Variants in ZNF8 observed in about 807,000 individuals in gnomAD.
ZNF8 encodes the protein zinc finger protein 8, also known as zinc finger protein 272.
A neutral mutation model predicts 12.2 loss-of-function variants in ZNF8; 9 were observed. That is an observed-to-expected ratio of 0.73 (90% confidence interval 0.44 to 1.28). The LOEUF (loss-of-function observed/expected upper bound fraction) is 1.28. ZNF8 is among the 50% of genes most tolerant of loss of function. The pLI is 0.00. For missense variants in ZNF8, 664 were observed against 729.1 expected (o/e 0.91, Z 1.03); for synonymous variants, 274 against 282.3 (o/e 0.97, Z 0.30).
chr19:58,287,283 C>T (rs2051389110), intron 3 of ZNF8, among the ~76,000 whole-genome samples: 1 of 151,570 alleles, frequency 6.6e-6, no homozygotes, highest in Non-Finnish European at 1.5e-5. Flanking sequence ...AAGCAATCCA[C>T]CTACTTTGGC....
chr19:58,279,915 G>C, intron 1 of ZNF8: 1 of 1,173,886 alleles, frequency 8.5e-7, no homozygotes, highest in South Asian at 1.5e-5. Context: ...TGTTCATGGG[G>C]ATTTGCATTA....
At chr19:58,292,069 C>T (rs964540514) in intron 3 of ZNF8, among the ~76,000 whole-genome samples, 3 of 152,056 alleles carry the variant, frequency 2.0e-5, no homozygotes, top group African/African-American at 4.8e-5. Context: ...GAGGGTGGGT[C>T]TGTTTGGTTT....
rs191202838 is a variant in ZNF8, at chr19:58,295,915, G to A, written c.*379G>A. ...CTGACTTGGTGCAGTATTTCTCCTT[G>A]TCACTGTGGGCCCAATTTTGCCAGG... On this transcript the variant is annotated 3_prime_UTR_variant, in exon 4 of 4. Coordinates refer to ENST00000621650, the MANE Select transcript of ZNF8 (RefSeq NM_021089.3). 1 of 185,792 alleles carries A rather than the reference G, an allele frequency of 5.4e-6. No homozygotes were observed. Among genetic ancestry groups the A allele is most frequent in the Non-Finnish European group, 1.1e-5 (1 of 89,264 alleles). The allele number at this position is 185,792 out of a possible 1,614,324, so 11.5% of individuals were successfully genotyped here.
In ZNF8 at chr19:58,285,854, C is replaced by T. The variant is rs575101295; in HGVS notation, c.193+11C>T. The T allele has an allele frequency of 1.9e-6, 3 of 1,601,122 alleles. No homozygotes were observed. In the African/African-American group the frequency reaches 4.0e-5, roughly 21 times the overall value. On this transcript the variant is annotated intron_variant, in intron 2 of 3. Coordinates refer to ENST00000621650, the MANE Select transcript of ZNF8 (RefSeq NM_021089.3). ...ACCTGCTCTCCATAGGTAAGCCCTG[C>T]TTCGCAAGGTGTGATAGCTGATTCT...
chr19:58,291,058 C>T lies in ZNF8; in HGVS notation c.290-3040C>T, dbSNP rs565898693. On this transcript the variant is annotated intron_variant, in intron 3 of 3. Coordinates refer to ENST00000621650, the MANE Select transcript of ZNF8 (RefSeq NM_021089.3). The stretch of plus-strand genomic sequence containing the variant: ...ATAAAATAAAATAATGGTGAAGAAT[C>T]CCTGTCCAGGCAGATCCCACTCCCA... 3.9e-5 allele frequency among the ~76,000 whole-genome samples: 6 copies of T among 152,250 alleles called. No homozygotes were observed. The South Asian group carries it at 1.2e-3, about 32-fold the overall frequency.
chr19:58,279,799 G>C, intron 1 of ZNF8: 1 of 1,449,932 alleles, frequency 6.9e-7, no homozygotes, highest in Non-Finnish European at 9.2e-7. Flanking sequence ...GTTGCGGCCT[G>C]TGTTCTCCAT....
Position 58,294,212 on chromosome 19 carries a change from C to T in ZNF8, c.404C>T (p.Thr135Ile), listed in dbSNP as rs1326629719. ...EGFPTDAPYP[T>I]TLGKDRECQS... ...TTCCCGACAGATGCTCCTTATCCCA[C>T]CACGTTAGGGAAAGACAGGGAGTGT... Residue 135 changes from threonine (T) to isoleucine (I), a missense_variant, in exon 4 of 4, where the codon ACC becomes ATC. Physicochemically the swap from Thr to Ile is moderately conservative, Grantham distance 89. Coordinates refer to ENST00000621650, the MANE Select transcript of ZNF8 (RefSeq NM_021089.3). The surrounding 1 kb of genome is among the most constrained non-coding windows in gnomAD (Gnocchi z 5.5). The T allele has an allele frequency of 6.2e-7, 1 of 1,614,072 alleles. No homozygotes were observed. Among genetic ancestry groups the T allele is most frequent in the Non-Finnish European group, 8.5e-7 (1 of 1,180,054 alleles).
intron 1 of ZNF8, among the ~76,000 whole-genome samples, chr19:58,284,942 C>T (rs749379614): frequency 3.5e-4 from 54 of 152,266 alleles, no homozygotes; most frequent in African/African-American, 1.1e-3. Flanking sequence ...TGTATTTTCC[C>T]GTAATCAGTG....
chr19:58,286,042 C>A, intron 2 of ZNF8, 68 bp from the exon 3 acceptor site: 1 of 1,536,360 alleles, frequency 6.5e-7, no homozygotes, highest in South Asian at 1.2e-5. Flanking sequence ...GGAGTCTGGT[C>A]TGGAGCCTGG....
intron 1 of ZNF8, chr19:58,280,382 A>G (rs1448294531): frequency 1.3e-5 from 2 of 156,510 alleles, no homozygotes; most frequent in African/African-American, 4.8e-5. Flanking sequence ...CTTCCCACAG[A>G]ACAAGTGATC....
intron 1 of ZNF8, among the ~76,000 whole-genome samples, chr19:58,282,950 C>T (rs1326966996): frequency 6.7e-6 from 1 of 149,848 alleles, no homozygotes; most frequent in African/African-American, 2.5e-5. Context: ...GGCTTTGTTT[C>T]TATTTTATTT....
Position 58,286,176 on chromosome 19 carries a change from AG to A in ZNF8, c.261del (p.Arg88GlufsTer50). On this transcript the variant is annotated frameshift_variant, in exon 3 of 4. Transcript: ENST00000621650. LOFTEE classifies it low-confidence loss of function (END_TRUNC). Reference protein sequence around the residue: ...LEQGTELWVAERGTTQGCHPA... With the variant: ...LEQGTELWVAXRGTTQGCHPA... ...CAAGGGACCGAGCTATGGGTGGCTG[AG>A]AGAGGAACCACCCAGGGCTGCCATC... 1 of 1,613,044 alleles carries A rather than the reference AG, an allele frequency of 6.2e-7. No individual in the cohort carries two copies. The highest frequency in any genetic ancestry group is 1.1e-5 in the South Asian group (1 of 91,018).
chr19:58,291,883 AT>A (rs1273036072), intron 3 of ZNF8, among the ~76,000 whole-genome samples: 1 of 152,022 alleles, frequency 6.6e-6, no homozygotes, highest in African/African-American at 2.4e-5. Context: ...AGGAAGGAGT[AT>A]GGGGGATGCA....
chr19:58,293,608 C>T (rs541839813), intron 3 of ZNF8, among the ~76,000 whole-genome samples: 2 of 152,076 alleles, frequency 1.3e-5, no homozygotes, highest in South Asian at 4.1e-4. Context: ...GCAAGAGGGT[C>T]AGAATCAGAC....
rs1043014866 is a variant in ZNF8, at chr19:58,294,044, C to T, written c.290-54C>T. The T allele has an allele frequency of 4.6e-6, 7 of 1,510,954 alleles. No homozygotes were observed. The East Asian group carries it at 1.4e-4, about 29-fold the overall frequency. 93.6% of individuals were successfully genotyped at this position (1,510,954 alleles called of 1,614,324 possible). A position where few individuals can be genotyped will look rare whatever the true frequency, so the allele number is the denominator to read the frequency against. The stretch of plus-strand genomic sequence containing the variant: ...CAGGCCTATGGTGTTGGAGGCCTGT[C>T]CCCCTTCCGTTTTTTTCTCCCAACA... On this transcript the variant is annotated intron_variant, in intron 3 of 3. Coordinates refer to ENST00000621650, the MANE Select transcript of ZNF8 (RefSeq NM_021089.3). The surrounding 1 kb of genome is among the most constrained non-coding windows in gnomAD (Gnocchi z 5.5).
intron 3 of ZNF8, among the ~76,000 whole-genome samples, chr19:58,287,834 ACTTTTTTT>A (rs1182595353): frequency 3.3e-5 from 4 of 122,192 alleles, no homozygotes; most frequent in Admixed American, 8.0e-5. Flanking sequence ...AAATTATTTT[ACTTTTTTT>A]CTTTTTTTTT....
chr19:58,294,014 A>C lies in ZNF8; in HGVS notation c.290-84A>C. The C allele has an allele frequency of 7.7e-7, 1 of 1,304,812 alleles. No homozygotes were observed. The highest frequency in any genetic ancestry group is 1.1e-6 in the Non-Finnish European group (1 of 944,060). The allele number at this position is 1,304,812 out of a possible 1,614,324, so 80.8% of individuals were successfully genotyped here. A position where few individuals can be genotyped will look rare whatever the true frequency, so the allele number is the denominator to read the frequency against. On this transcript the variant is annotated intron_variant, in intron 3 of 3. Coordinates refer to ENST00000621650, the MANE Select transcript of ZNF8 (RefSeq NM_021089.3). This position sits in a 1 kb window ranked among gnomAD's most constrained non-coding sequence, Gnocchi z 5.5. Reference sequence around the variant, plus strand: ...GGGCAGCTGGTTAGGACCCCATTTCAATATCAGGCCTATGGTGTTGGAGGC... The same window carrying C: ...GGGCAGCTGGTTAGGACCCCATTTCCATATCAGGCCTATGGTGTTGGAGGC...
At chr19:58,279,182 C>T (rs771299088) in intron 1 of ZNF8, 35 bp downstream of exon 1, 4 of 1,544,786 alleles carry the variant, frequency 2.6e-6, no homozygotes, top group Non-Finnish European at 3.5e-6. Context: ...GCGGCGGGCT[C>T]CGGGCAAGCG....
At position 58,286,220 on chromosome 19, in the gene ZNF8, T is replaced by C. The variant is rs2051382360; in HGVS notation, c.289+15T>C. On this transcript the variant is annotated intron_variant, in intron 3 of 3. Transcript: ENST00000621650. Reference sequence around the variant, plus strand: ...CTGCCATCCAGGTGAGAACCCACTATGTGGGAGCAGCTAATGGGAGCAGCC... The same window carrying C: ...CTGCCATCCAGGTGAGAACCCACTACGTGGGAGCAGCTAATGGGAGCAGCC... 2 of 1,494,032 alleles carry C rather than the reference T, an allele frequency of 1.3e-6. No individual in the cohort carries two copies. Among genetic ancestry groups the C allele is most frequent in the South Asian group, 2.3e-5 (2 of 86,500 alleles). 92.5% of individuals were successfully genotyped at this position (1,494,032 alleles called of 1,614,324 possible). A position where few individuals can be genotyped will look rare whatever the true frequency, so the allele number is the denominator to read the frequency against.
Sources: gnomAD v4.1 joint callset for allele counts (sites outside exome capture counted in the v4.1 genomes callset) on GRCh38, gnomAD v4.1.1 for gene constraint, Gnocchi (gnomAD v3.1) non-coding constraint, MANE v1.5 for transcripts, NCBI Gene and HGNC (gene_info 2026-07-23, HGNC 2026-07-21) for gene names.